FYN: variants seen among roughly 807,000 people sequenced by gnomAD.
FYN encodes tyrosine-protein kinase Fyn.
Under a neutral mutation model 70.2 loss-of-function variants are expected in FYN, and 10 were observed. That is an observed-to-expected ratio of 0.14 (90% CI 0.09 to 0.24). The LOEUF is 0.24. Among genes scored for constraint, FYN ranks in the 10% least tolerant of loss-of-function variants. The probability of loss-of-function intolerance (pLI) is 1.00; values close to 1 mark genes in which losing one functional copy is unlikely to be tolerated. For synonymous variants in FYN, 236 were observed against 248.6 expected (o/e 0.95, Z 0.48); for missense variants, 319 against 673.1 (o/e 0.47, Z 5.82).
chr6:111,792,265 A>G (rs954202658), intron 2 of FYN, among the ~76,000 whole-genome samples: 2 of 152,258 alleles, frequency 1.3e-5, no homozygotes, highest in African/African-American at 4.8e-5. Context: ...TCAGCCATCA[A>G]ATAAAAGCAA....
chr6:111,850,088 T>TA (rs1274636149), intron 1 of FYN, among the ~76,000 whole-genome samples: 1 of 152,230 alleles, frequency 6.6e-6, no homozygotes, highest in Non-Finnish European at 1.5e-5. Context: ...ATTCTGCTAT[T>TA]ATGTTTACTA....
chr6:111,690,760 A>G (rs57255043), intron 12 of FYN, among the ~76,000 whole-genome samples: 7,451 of 152,318 alleles, frequency 0.049, 540 homozygotes, highest in African/African-American at 0.16. Context: ...TTTTACAGAT[A>G]AGTAAACTGA....
At chr6:111,695,099 T>C (rs1451990617) in intron 10 of FYN, among the ~76,000 whole-genome samples, 3 of 152,206 alleles carry the variant, frequency 2.0e-5, no homozygotes, top group Non-Finnish European at 4.4e-5. Flanking sequence ...TCCAAAACTG[T>C]GGTCCTGGGA....
At chr6:111,678,108 ATG>A (rs57015847) in intron 12 of FYN, among the ~76,000 whole-genome samples, 5,073 of 93,854 alleles carry the variant, frequency 0.054, 86 homozygotes, top group Middle Eastern at 0.084. Context: ...AGGCCATAAT[ATG>A]TGTGTGTGTG....
chr6:111,807,074 G>A (rs961905542), intron 2 of FYN, among the ~76,000 whole-genome samples: 2 of 152,190 alleles, frequency 1.3e-5, no homozygotes, highest in Non-Finnish European at 2.9e-5. Context: ...TTCTGGCTGC[G>A]CTGTGTGTGA....
chr6:111,814,291 T>C (rs1772415853), intron 2 of FYN, among the ~76,000 whole-genome samples: 1 of 148,158 alleles, frequency 6.7e-6, no homozygotes, highest in Admixed American at 6.6e-5. Flanking sequence ...TTATGAGTTG[T>C]TATAATTCTA....
At chr6:111,813,237 G>C (rs948295796) in intron 2 of FYN, among the ~76,000 whole-genome samples, 8 of 152,034 alleles carry the variant, frequency 5.3e-5, no homozygotes, top group Admixed American at 2.6e-4. Context: ...ATTTTTGAAA[G>C]AGTTCAAAGA....
chr6:111,777,678 C>T (rs372455720), intron 3 of FYN, among the ~76,000 whole-genome samples: 1 of 152,290 alleles, frequency 6.6e-6, no homozygotes, highest in African/African-American at 2.4e-5. Flanking sequence ...TATGTATTTA[C>T]GTGTTTATAT....
intron 3 of FYN, among the ~76,000 whole-genome samples, chr6:111,739,215 C>T (rs1473574202): frequency 6.6e-6 from 1 of 152,246 alleles, no homozygotes; most frequent in East Asian, 1.9e-4. Context: ...TGCCCTTCGG[C>T]ACCAGCAGTG....
chr6:111,804,746 A>C (rs1772096426), intron 2 of FYN, among the ~76,000 whole-genome samples: 1 of 152,206 alleles, frequency 6.6e-6, no homozygotes. Context: ...CCTTCCCACC[A>C]GTGGGTACTG....
intron 3 of FYN, among the ~76,000 whole-genome samples, chr6:111,731,450 CTG>C (rs1801446541): frequency 1.3e-5 from 2 of 152,210 alleles, no homozygotes; most frequent in Non-Finnish European, 1.5e-5. Flanking sequence ...GAGAATTTGG[CTG>C]TGAGGCCACT....
chr6:111,803,718 A>C (rs972139750), intron 2 of FYN, among the ~76,000 whole-genome samples: 5 of 152,148 alleles, frequency 3.3e-5, no homozygotes, highest in Non-Finnish European at 7.3e-5. Flanking sequence ...TATGGCTTTG[A>C]CTGGCTAACA....
chr6:111,688,031 CCAAAAAA>C (rs1490637798), intron 12 of FYN, among the ~76,000 whole-genome samples: 1 of 151,822 alleles, frequency 6.6e-6, no homozygotes, highest in Non-Finnish European at 1.5e-5. Flanking sequence ...CAAAAAAAAC[CCAAAAAA>C]CAAAAAACAA....
intron 3 of FYN, among the ~76,000 whole-genome samples, chr6:111,764,804 G>A (rs1163978463): frequency 6.6e-6 from 1 of 152,198 alleles, no homozygotes; most frequent in Non-Finnish European, 1.5e-5. Flanking sequence ...TTAAACAGAA[G>A]TAAAAGGAAA....
intron 5 of FYN, among the ~76,000 whole-genome samples, chr6:111,713,426 GGT>G (rs1800478810): frequency 6.6e-6 from 1 of 152,096 alleles, no homozygotes; most frequent in African/African-American, 2.4e-5. Flanking sequence ...AACCAGACTT[GGT>G]GGCATAGAAG....
At position 111,835,159 on chromosome 6, in the gene FYN, C is replaced by G. The variant is rs1032428511; in HGVS notation, c.-82+11430G>C. Reference sequence around the variant, plus strand: ...TTAATTCAAAGGCAAGTGAATTCAGCTGTTTTTTCATTTCAATTTTTCTCA... The same window carrying G: ...TTAATTCAAAGGCAAGTGAATTCAGGTGTTTTTTCATTTCAATTTTTCTCA... On this transcript the variant is annotated intron_variant, in intron 2 of 13. Coordinates refer to ENST00000354650, the MANE Select transcript of FYN (RefSeq NM_002037.5). Among the ~76,000 whole-genome samples, 3 of 152,292 alleles carry G rather than the reference C, an allele frequency of 2.0e-5. No homozygotes were observed. The East Asian group carries it at 5.8e-4, about 29-fold the overall frequency.
At chr6:111,869,019 T>C (rs944972916) in intron 1 of FYN, among the ~76,000 whole-genome samples, 1 of 152,214 alleles carries the variant, frequency 6.6e-6, no homozygotes, top group Non-Finnish European at 1.5e-5. Flanking sequence ...CAAAGTAACA[T>C]ACTAGGCTAA....
At chr6:111,825,851 T>A (rs1391367561) in intron 2 of FYN, among the ~76,000 whole-genome samples, 1 of 152,204 alleles carries the variant, frequency 6.6e-6, no homozygotes, top group Non-Finnish European at 1.5e-5. Context: ...TGTAATTCTA[T>A]ATCCCTCTAT....
intron 3 of FYN, among the ~76,000 whole-genome samples, chr6:111,745,338 T>C (rs532474940): frequency 3.5e-4 from 54 of 152,336 alleles, no homozygotes; most frequent in African/African-American, 1.2e-3. Context: ...TACAGTGTTC[T>C]TGAAGCTTGG....
Sources: allele counts gnomAD v4.1 joint callset (sites outside exome capture counted in the v4.1 genomes callset), GRCh38; gene constraint gnomAD v4.1.1; transcripts MANE v1.5; gene names NCBI Gene and HGNC (gene_info 2026-07-23, HGNC 2026-07-21).